SRFBP1: variants seen among roughly 807,000 people sequenced by gnomAD.
The protein encoded by SRFBP1 is serum response factor binding protein 1, also known as serum response factor-binding protein 1.
SRFBP1 carries 47 observed loss-of-function variants against 45.5 expected under a neutral mutation model. The ratio of observed to expected loss-of-function variants is 1.03; its 90% CI spans 0.82 to 1.32. The LOEUF (loss-of-function observed/expected upper bound fraction) is 1.32. Ranked by LOEUF, SRFBP1 falls within the 40% of genes most tolerant of loss-of-function variation. The probability of loss-of-function intolerance (pLI) is 0.00; values close to 1 mark genes in which losing one functional copy is unlikely to be tolerated. For missense variants in SRFBP1, 621 were observed against 484.6 expected (o/e 1.28, Z -2.64); for synonymous variants, 203 against 166.3 (o/e 1.22, Z -1.70).
rs554296529 is a variant in SRFBP1, at chr5:122,049,076, T to G, written n.312-26239T>G. 4.6e-5 allele frequency among the ~76,000 whole-genome samples: 7 copies of G among 152,326 alleles called. No homozygotes were observed. In the South Asian group the frequency reaches 1.4e-3, roughly 32 times the overall value. On this transcript the variant is annotated intron_variant and non_coding_transcript_variant, in intron 2 of 2. Transcript: ENST00000504881. ...TTCTGCTCTGATCTTAGTTATTTCTTGTCTTCTGCTAGCTTTTGAATGTGT... is the reference window on the plus strand; with the variant it reads ...TTCTGCTCTGATCTTAGTTATTTCTGGTCTTCTGCTAGCTTTTGAATGTGT...
intron 3 of SRFBP1, among the ~76,000 whole-genome samples, chr5:121,978,868 A>C (rs552720747): frequency 6.6e-6 from 1 of 152,210 alleles, no homozygotes; most frequent in Non-Finnish European, 1.5e-5. Flanking sequence ...TTAAGATGAG[A>C]ATTTATGTAT....
chr5:122,061,211 A>T (rs1754163858), intron 2 of SRFBP1, among the ~76,000 whole-genome samples: 2 of 151,620 alleles, frequency 1.3e-5, no homozygotes, highest in Admixed American at 1.3e-4. Flanking sequence ...TATTTGATTC[A>T]TTTTTTTCAA....
rs112738471 is a variant in SRFBP1 at position 121,966,554 on chromosome 5, G to A, written c.36+4486G>A. 6.6e-3 allele frequency among the ~76,000 whole-genome samples: 998 copies of A among 152,260 alleles called. 17 individuals carry two copies. Among genetic ancestry groups the A allele is most frequent in the African/African-American group, 0.023 (956 of 41,544 alleles). ...TTCCTCCCTTTCCATTAGAACTAGA[G>A]GAGAAATGCACAATTGAAAACAACA... On this transcript the variant is annotated intron_variant, in intron 1 of 7. Transcript: ENST00000339397.
chr5:121,971,525 C>G (rs934214883), intron 1 of SRFBP1, among the ~76,000 whole-genome samples: 2 of 151,864 alleles, frequency 1.3e-5, no homozygotes, highest in Non-Finnish European at 1.5e-5. Context: ...TTTGAGCGCA[C>G]TCAGAAAGAA....
At chr5:122,058,167 T>C (rs1435404993) in intron 2 of SRFBP1, among the ~76,000 whole-genome samples, 1 of 152,198 alleles carries the variant, frequency 6.6e-6, no homozygotes, top group Non-Finnish European at 1.5e-5. Flanking sequence ...ATTATTTAAA[T>C]CATGATTTAT....
chr5:121,972,672 G>A (rs895365860), intron 1 of SRFBP1, among the ~76,000 whole-genome samples: 2 of 151,806 alleles, frequency 1.3e-5, no homozygotes, highest in Non-Finnish European at 2.9e-5. Context: ...TTAAGTGTAG[G>A]AGTCAGTGGA....
chr5:122,025,146 G>A (rs1431176099), intron 7 of SRFBP1, among the ~76,000 whole-genome samples: 5 of 151,444 alleles, frequency 3.3e-5, no homozygotes, highest in Non-Finnish European at 5.9e-5. Context: ...GGTGTGTGAT[G>A]TTCCCCTTCC....
chr5:122,046,398 A>G lies in SRFBP1; in HGVS notation n.311+23991A>G, dbSNP rs1580542975. ...AACTCATCAGTTTTTATGGCTGCATAGTATTCCATGGTGTATATGTGCCAC... is the reference window on the plus strand; with the variant it reads ...AACTCATCAGTTTTTATGGCTGCATGGTATTCCATGGTGTATATGTGCCAC... On this transcript the variant is annotated intron_variant and non_coding_transcript_variant, in intron 2 of 2. Transcript: ENST00000504881. 2.0e-5 allele frequency among the ~76,000 whole-genome samples: 3 copies of G among 152,200 alleles called. No individual in the cohort carries two copies. In the South Asian group the frequency reaches 6.2e-4, roughly 32 times the overall value.
In SRFBP1 at chr5:122,026,967, C is replaced by A; in HGVS notation, c.1131C>A (p.Ile377=). 6.2e-7 allele frequency: 1 copy of A among 1,611,512 alleles called. No homozygotes were observed. Among genetic ancestry groups the A allele is most frequent in the South Asian group, 1.1e-5 (1 of 90,506 alleles). The change falls in exon 8 of 8, where the codon ATC becomes ATA. Residue 377 remains isoleucine, a synonymous_variant. Coordinates refer to ENST00000339397, the MANE Select transcript of SRFBP1 (RefSeq NM_152546.3). The part of the protein sequence containing the change: ...SLDFPQNEPQ[I]KNQFNKKLSG... ...ATTTTCCACAGAATGAGCCTCAGAT[C>A]AAGAATCAGTTTAATAAGAAGCTAT...
intron 6 of SRFBP1, among the ~76,000 whole-genome samples, chr5:122,021,738 G>A (rs946750531): frequency 3.0e-5 from 4 of 135,124 alleles, no homozygotes; most frequent in African/African-American, 8.5e-5. Context: ...GTGCAGTGGT[G>A]TGATCTTGGC....
chr5:122,075,683 G>C (rs562863804), downstream of SRFBP1: 6 of 516,584 alleles, frequency 1.2e-5, no homozygotes, highest in African/African-American at 5.8e-5. Flanking sequence ...AAGGCATTTT[G>C]TTTCTTTTTG....
At chr5:121,983,958 T>A (rs1292914773) in intron 3 of SRFBP1, among the ~76,000 whole-genome samples, 1 of 151,794 alleles carries the variant, frequency 6.6e-6, no homozygotes, top group African/African-American at 2.4e-5. Context: ...TTTCATCAGT[T>A]GACCCCTGTC....
intron 2 of SRFBP1, among the ~76,000 whole-genome samples, chr5:122,069,490 AAG>A (rs1338215775): frequency 4.6e-5 from 7 of 152,082 alleles, no homozygotes; most frequent in Admixed American, 4.6e-4. Flanking sequence ...TCATTCTAAG[AAG>A]AGTCTCAGGA....
At chr5:122,024,804 T>G (rs1018023919) in intron 7 of SRFBP1, among the ~76,000 whole-genome samples, 1 of 152,228 alleles carries the variant, frequency 6.6e-6, no homozygotes, top group African/African-American at 2.4e-5. Context: ...ATAAAGGGTT[T>G]TTTGTGCTTA....
At chr5:121,972,327 C>T (rs898327055) in intron 1 of SRFBP1, among the ~76,000 whole-genome samples, 2 of 151,658 alleles carry the variant, frequency 1.3e-5, no homozygotes, top group African/African-American at 4.8e-5. Context: ...AATGATGGTT[C>T]CCAACTGATA....
chr5:122,004,147 G>A (rs181493297), intron 4 of SRFBP1, among the ~76,000 whole-genome samples: 19 of 152,094 alleles, frequency 1.2e-4, no homozygotes, highest in Admixed American at 3.3e-4. Flanking sequence ...CACCATGCCC[G>A]GCTAATTTGC....
chr5:122,068,111 T>C (rs1754347217), intron 2 of SRFBP1, among the ~76,000 whole-genome samples: 1 of 149,276 alleles, frequency 6.7e-6, no homozygotes, highest in African/African-American at 2.5e-5. Context: ...ATCTGGTTTA[T>C]ATTAGTTATA....
intron 2 of SRFBP1, among the ~76,000 whole-genome samples, chr5:122,036,893 GT>G (rs537018868): frequency 2.8e-3 from 388 of 139,184 alleles, no homozygotes; most frequent in African/African-American, 2.9e-3. Flanking sequence ...ACTCCTGTGA[GT>G]TTTTTTTTTT....
chr5:122,002,761 T>C (rs1752897500), intron 4 of SRFBP1, among the ~76,000 whole-genome samples: 1 of 152,218 alleles, frequency 6.6e-6, no homozygotes, highest in African/African-American at 2.4e-5. Flanking sequence ...GAGAAATTGT[T>C]GAATATTAGA....
Sources: allele counts gnomAD v4.1 joint callset (sites outside exome capture counted in the v4.1 genomes callset), GRCh38; gene constraint gnomAD v4.1.1; transcripts MANE v1.5; gene names NCBI Gene and HGNC (gene_info 2026-07-23, HGNC 2026-07-21).